Variants in MTR observed in about 807,000 individuals in gnomAD.
MTR encodes the protein 5-methyltetrahydrofolate-homocysteine methyltransferase.
A neutral mutation model predicts 154.8 loss-of-function variants in MTR; 84 were observed. The observed-to-expected ratio is 0.54, with a 90% CI of 0.45 to 0.65. The LOEUF is 0.65. Among genes scored for constraint, MTR ranks in the 30% least tolerant of loss-of-function variants. The pLI is 0.00. For synonymous variants in MTR, 554 were observed against 553.9 expected (o/e 1.00, Z 0.00); for missense variants, 1,275 against 1,570.2 (o/e 0.81, Z 3.18).
chr1:236,885,326 T>A, intron 26 of MTR, 107 bp downstream of exon 26: 1 of 749,694 alleles, frequency 1.3e-6, no homozygotes, highest in Middle Eastern at 3.6e-4. Context: ...TAAAAGGCTT[T>A]GGATCATTTT....
intron 8 of MTR, among the ~76,000 whole-genome samples, chr1:236,816,897 C>T (rs1661627740): frequency 6.6e-6 from 1 of 152,102 alleles, no homozygotes; most frequent in South Asian, 2.1e-4. Context: ...AATTCTAAAG[C>T]TCAGGTTTTT....
chr1:236,802,669 A>G (rs1225468186), intron 1 of MTR, among the ~76,000 whole-genome samples: 2 of 152,002 alleles, frequency 1.3e-5, no homozygotes, highest in East Asian at 3.9e-4. Flanking sequence ...GAGGAAAAGG[A>G]TTTGGTGCTA....
chr1:236,858,245 G>A lies in MTR; in HGVS notation c.1954-1588G>A, dbSNP rs1399340828. 3.3e-5 allele frequency among the ~76,000 whole-genome samples: 5 copies of A among 152,272 alleles called. No individual in the cohort carries two copies. The East Asian group carries it at 9.7e-4, about 29-fold the overall frequency. On this transcript the variant is annotated intron_variant, in intron 18 of 32. Coordinates refer to ENST00000366577, the MANE Select transcript of MTR (RefSeq NM_000254.3). ...TCACAATCATAATGGAAGGTGAAAA[G>A]CACGTCTTACATGACAGCAGATAAG...
intron 4 of MTR, among the ~76,000 whole-genome samples, chr1:236,809,355 A>T (rs1173650325): frequency 6.6e-6 from 1 of 152,222 alleles, no homozygotes; most frequent in Non-Finnish European, 1.5e-5. Flanking sequence ...GCTGGATGCC[A>T]TCAGAACACT....
chr1:236,889,070 CAGG>C, intron 27 of MTR, 108 bp from the exon 28 acceptor site: 2 of 1,312,662 alleles, frequency 1.5e-6, no homozygotes, highest in East Asian at 2.3e-5. Flanking sequence ...CTACGGGTGA[CAGG>C]AGGGAGGCGG....
At chr1:236,883,657 G>T (rs1249687244) in intron 25 of MTR, among the ~76,000 whole-genome samples, 1 of 152,100 alleles carries the variant, frequency 6.6e-6, no homozygotes, top group Non-Finnish European at 1.5e-5. Flanking sequence ...TAAGGCTGGG[G>T]AATACTTTGT....
chr1:236,897,856 C>T lies in MTR; in HGVS notation c.*212C>T, dbSNP rs113634132. 1.5e-4 allele frequency: 88 copies of T among 580,742 alleles called. No individual in the cohort carries two copies. Among genetic ancestry groups the T allele is most frequent in the Middle Eastern group, 1.4e-3 (3 of 2,102 alleles). 36.0% of individuals were successfully genotyped at this position (580,742 alleles called of 1,614,324 possible). ...CAGGCGCTGTTTTTTTGGGACCTTG[C>T]GTGAAGAGCAGTGAGCAGGGTTCCT... On this transcript the variant is annotated 3_prime_UTR_variant, in exon 33 of 33. Coordinates refer to ENST00000366577, the MANE Select transcript of MTR (RefSeq NM_000254.3).
chr1:236,795,291 C>A (rs556504622), upstream of MTR: 67 of 1,209,078 alleles, frequency 5.5e-5, no homozygotes, highest in Non-Finnish European at 6.4e-5. Context: ...AGATTGAGCG[C>A]AGAACTAACC....
rs892898718 is a variant in MTR at position 236,816,503 on chromosome 1, G to A, written c.724G>A (p.Glu242Lys). 1 of 1,614,018 alleles carries A rather than the reference G, an allele frequency of 6.2e-7. No individual in the cohort carries two copies. The highest frequency in any genetic ancestry group is 8.5e-7 in the Non-Finnish European group (1 of 1,179,994). Residue 242 changes from glutamate to lysine, a missense_variant, in exon 8 of 33, where the codon GAG becomes AAG. Physicochemically the swap from Glu to Lys is moderately conservative, Grantham distance 56. Transcript: ENST00000366577. ...GCGGACTCTTTCCGGACAGACAGGA[G>A]AGGGATTTGTCATCAGCGTGTCTCA... Reference protein sequence around the residue: ...SGRTLSGQTGEGFVISVSHGE... With the variant: ...SGRTLSGQTGKGFVISVSHGE...
At chr1:236,860,774 G>A (rs12080662) in intron 19 of MTR, among the ~76,000 whole-genome samples, 4,918 of 152,218 alleles carry the variant, frequency 0.032, 253 homozygotes, top group African/African-American at 0.11. Context: ...ATATTTTAAA[G>A]CATTTTTTAA....
At chr1:236,819,871 C>T (rs1191732035) in intron 8 of MTR, 1 of 796,162 alleles carries the variant, frequency 1.3e-6, no homozygotes. Context: ...GTCATATCCT[C>T]CAGGAATACT....
At chr1:236,810,470 A>C in intron 4 of MTR, 33 bp from the exon 5 acceptor site, 488 of 1,486,126 alleles carry the variant, frequency 3.3e-4, no homozygotes, top group Non-Finnish European at 4.0e-4. Context: ...TCAGCCACTT[A>C]GAGATCTCAC....
At chr1:236,845,158 G>C (rs1663496451) in intron 15 of MTR, among the ~76,000 whole-genome samples, 1 of 152,200 alleles carries the variant, frequency 6.6e-6, no homozygotes, top group African/African-American at 2.4e-5. Flanking sequence ...TTCCTCATTT[G>C]AAGACTGGTG....
rs12037527 is a variant in MTR at position 236,797,963 on chromosome 1, A to C, written c.34+2226A>C. ...AGAGAGTGAGACTTAGTCTCCAAAA[A>C]AAAACAAAACAAAACAAAACAAAAC... On this transcript the variant is annotated intron_variant, in intron 1 of 32. Transcript: ENST00000366577. Among the ~76,000 whole-genome samples the C allele has an allele frequency of 0.011, 1,619 of 149,540 alleles. 149 individuals are homozygous for C. The East Asian group carries it at 0.21, about 19-fold the overall frequency.
At chr1:236,897,445 C>A in intron 32 of MTR, 113 bp from the exon 33 acceptor site, 2 of 1,025,502 alleles carry the variant, frequency 2.0e-6, no homozygotes, top group Non-Finnish European at 3.1e-6. Flanking sequence ...CTGTAGATTG[C>A]TATTAAGACA....
intron 22 of MTR, among the ~76,000 whole-genome samples, chr1:236,869,247 G>C (rs1186842873): frequency 6.6e-6 from 1 of 152,166 alleles, no homozygotes; most frequent in East Asian, 1.9e-4. Context: ...TTGAAATTCT[G>C]TGTATTCTTA....
At chr1:236,862,828 G>C (rs1468556639) in intron 21 of MTR, among the ~76,000 whole-genome samples, 1 of 152,194 alleles carries the variant, frequency 6.6e-6, no homozygotes, top group Admixed American at 6.5e-5. Flanking sequence ...AAATCATTAA[G>C]CTTTTTGACC....
In MTR at chr1:236,895,459, G is replaced by C; in HGVS notation, c.3507G>C (p.Lys1169Asn). The change falls in exon 31 of 33, where the codon AAG (lysine) becomes AAC (asparagine). Residue 1169 changes from lysine (K) to asparagine (N), a missense_variant. Lys to Asn is a moderately conservative substitution (Grantham distance 94). Transcript: ENST00000366577. ...DVADLRRLRY[K>N]GIRPAPGYPS... Reference sequence around the variant, plus strand: ...CAGACCTGCGCAGGCTGCGGTACAAGGGCATCCGCCCGGCTCCTGGCTACC... The same window carrying C: ...CAGACCTGCGCAGGCTGCGGTACAACGGCATCCGCCCGGCTCCTGGCTACC... The C allele has an allele frequency of 2.5e-6, 4 of 1,599,454 alleles. No individual in the cohort carries two copies. The highest frequency in any genetic ancestry group is 3.4e-6 in the Non-Finnish European group (4 of 1,172,708).
Position 236,895,392 on chromosome 1 carries a change from G to A in MTR, c.3440G>A (p.Arg1147Gln), listed in dbSNP as rs1432236758. The A allele has an allele frequency of 1.9e-6, 3 of 1,604,560 alleles. No individual in the cohort carries two copies. The highest frequency in any genetic ancestry group is 2.2e-5 in the South Asian group (2 of 89,126). The stretch of plus-strand genomic sequence containing the variant: ...GAAGAGCTCCATGAAAGAGTTCGCC[G>A]AGAACTGTGGGCCTACTGTGGCAGT... ...FAEELHERVR[R>Q]ELWAYCGSEQ... is the part of the protein sequence containing the mutation. Residue 1147 changes from arginine to glutamine, a missense_variant, in exon 31 of 33, where the codon CGA (arginine) becomes CAA (glutamine). Arg to Gln is a conservative substitution (Grantham distance 43, BLOSUM62 1). Transcript: ENST00000366577.
Sources: allele counts gnomAD v4.1 joint callset (sites outside exome capture counted in the v4.1 genomes callset), GRCh38; gene constraint gnomAD v4.1.1; transcripts MANE v1.5; gene names NCBI Gene and HGNC (gene_info 2026-07-23, HGNC 2026-07-21).